The following NWD2 variants were observed in gnomAD, a reference collection of about 807,000 sequenced individuals.
NWD2 encodes the protein NACHT and WD repeat domain-containing protein 2.
In NWD2, 37 loss-of-function variants were observed where a neutral mutation model predicts 132.7. The ratio of observed to expected loss-of-function variants is 0.28; its 90% CI spans 0.21 to 0.37. NWD2 has a LOEUF of 0.37. NWD2 is among the 10% of genes least tolerant of loss of function. The pLI, the probability that NWD2 is intolerant of heterozygous loss-of-function variation, is 1.00. For synonymous variants in NWD2, 705 were observed against 803.0 expected, an observed-to-expected ratio of 0.88 and a Z score of 2.06; for missense variants, 1,592 against 2,122.4, an observed-to-expected ratio of 0.75 and a Z score of 4.91.
chr4:37,326,648 T>G (rs926677880), intron 2 of NWD2, among the ~76,000 whole-genome samples: 1 of 152,280 alleles, frequency 6.6e-6, no homozygotes, highest in Middle Eastern at 3.4e-3. Flanking sequence ...GCATGTATCT[T>G]GGGCATCCAA....
chr4:37,400,333 T>A (rs1408547127), intron 3 of NWD2, among the ~76,000 whole-genome samples: 1 of 152,246 alleles, frequency 6.6e-6, no homozygotes, highest in Non-Finnish European at 1.5e-5. Context: ...TTAGGGCATC[T>A]GGCTCATTCA....
At chr4:37,289,978 A>G (rs1378573594) in intron 1 of NWD2, among the ~76,000 whole-genome samples, 1 of 152,084 alleles carries the variant, frequency 6.6e-6, no homozygotes, top group Non-Finnish European at 1.5e-5. Context: ...TCATTTTCAC[A>G]TCCGTCTAAC....
chr4:37,435,542 AAGAC>A (rs1278461821), intron 5 of NWD2, among the ~76,000 whole-genome samples: 1 of 152,096 alleles, frequency 6.6e-6, no homozygotes, highest in Non-Finnish European at 1.5e-5. Context: ...ACCTTTATCA[AAGAC>A]AGAACAACCC....
chr4:37,339,546 C>A (rs879606577), intron 2 of NWD2, among the ~76,000 whole-genome samples: 1 of 152,164 alleles, frequency 6.6e-6, no homozygotes, highest in Non-Finnish European at 1.5e-5. Flanking sequence ...CTGAAAATTA[C>A]CCAAGAGGAT....
chr4:37,341,107 A>G (rs781389680), intron 2 of NWD2, among the ~76,000 whole-genome samples: 1 of 152,238 alleles, frequency 6.6e-6, no homozygotes, highest in Non-Finnish European at 1.5e-5. Flanking sequence ...CATTCAGTAG[A>G]AACTGCACTT....
intron 3 of NWD2, among the ~76,000 whole-genome samples, chr4:37,422,985 T>TG (rs1711870347): frequency 1.3e-5 from 1 of 79,486 alleles, no homozygotes; most frequent in Admixed American, 1.3e-4. Flanking sequence ...AGGAAATTGA[T>TG]TTTTTTTTTT....
intron 5 of NWD2, 88 bp from the exon 6 acceptor site, chr4:37,438,713 C>A (rs2109329098): frequency 1.2e-6 from 1 of 808,658 alleles, no homozygotes; most frequent in Non-Finnish European, 1.9e-6. Context: ...AATAATTTAC[C>A]ACTAATGACT....
chr4:37,415,124 G>A (rs1408952149), intron 3 of NWD2, among the ~76,000 whole-genome samples: 3 of 152,218 alleles, frequency 2.0e-5, no homozygotes, highest in East Asian at 3.9e-4. Flanking sequence ...GTTTTAAAGA[G>A]TTTTTAAGAT....
At chr4:37,292,531 A>C (rs1322805774) in intron 1 of NWD2, among the ~76,000 whole-genome samples, 1 of 152,172 alleles carries the variant, frequency 6.6e-6, no homozygotes, top group East Asian at 1.9e-4. Context: ...TATCCCCACC[A>C]TAAGATATTG....
At chr4:37,362,308 A>G (rs925139547) in intron 3 of NWD2, among the ~76,000 whole-genome samples, 1 of 152,232 alleles carries the variant, frequency 6.6e-6, no homozygotes, top group Non-Finnish European at 1.5e-5. Context: ...CAGAACTAGA[A>G]AAAACTATTC....
chr4:37,436,968 G>T (rs1304676147), intron 5 of NWD2, among the ~76,000 whole-genome samples: 3 of 152,032 alleles, frequency 2.0e-5, no homozygotes, highest in African/African-American at 7.2e-5. Flanking sequence ...ACTAGGCACT[G>T]GTAGCTATGA....
At chr4:37,332,901 A>T (rs958496182) in intron 2 of NWD2, among the ~76,000 whole-genome samples, 1 of 152,128 alleles carries the variant, frequency 6.6e-6, no homozygotes, top group African/African-American at 2.4e-5. Flanking sequence ...ATTCACTACA[A>T]GCTGACCGAG....
intron 1 of NWD2, among the ~76,000 whole-genome samples, chr4:37,276,937 G>A (rs1043174119): frequency 6.6e-6 from 1 of 151,566 alleles, no homozygotes; most frequent in Non-Finnish European, 1.5e-5. Flanking sequence ...TGAACAATGA[G>A]AACACATGGA....
chr4:37,364,570 A>G (rs1720053550), intron 3 of NWD2, among the ~76,000 whole-genome samples: 2 of 151,852 alleles, frequency 1.3e-5, no homozygotes, highest in Admixed American at 1.3e-4. Context: ...GATTACACAC[A>G]TATATAAACA....
intron 1 of NWD2, among the ~76,000 whole-genome samples, chr4:37,253,135 C>T (rs949352789): frequency 5.9e-5 from 9 of 152,032 alleles, no homozygotes; most frequent in African/African-American, 1.7e-4. Flanking sequence ...TAATTATTGT[C>T]ATCATTACTA....
At chr4:37,306,148 T>G (rs1444945157) in intron 1 of NWD2, among the ~76,000 whole-genome samples, 3 of 152,154 alleles carry the variant, frequency 2.0e-5, no homozygotes, top group South Asian at 2.1e-4. Context: ...CATAATAGTC[T>G]GTAAAGATCC....
chr4:37,309,043 C>T (rs993238672), intron 1 of NWD2, among the ~76,000 whole-genome samples: 4 of 152,200 alleles, frequency 2.6e-5, no homozygotes. Context: ...AGCACAGGAG[C>T]TCTGCTGCTG....
Position 37,399,877 on chromosome 4 carries a change from G to A in NWD2, c.358-30695G>A, listed in dbSNP as rs187510476. ...AGAACTAAAGAATCAAAAATTCTAG[G>A]GAGAGGCCCGGTGTTTTAACAAGCT... On this transcript the variant is annotated intron_variant, in intron 3 of 6. Transcript: ENST00000309447. Among the ~76,000 whole-genome samples the A allele has an allele frequency of 3.3e-3, 495 of 152,280 alleles. 4 individuals carry two copies. The highest frequency in any genetic ancestry group is 0.019 in the South Asian group (90 of 4,822).
At chr4:37,312,589 A>T (rs1242419212) in intron 1 of NWD2, among the ~76,000 whole-genome samples, 3 of 150,844 alleles carry the variant, frequency 2.0e-5, no homozygotes, top group Non-Finnish European at 4.4e-5. Context: ...GGACAATTTG[A>T]CTTCCTCTTT....
Sources: gnomAD v4.1 joint callset for allele counts (sites outside exome capture counted in the v4.1 genomes callset) on GRCh38, gnomAD v4.1.1 for gene constraint, MANE v1.5 for transcripts, NCBI Gene and HGNC (gene_info 2026-07-23, HGNC 2026-07-21) for gene names.